The following DPH6 variants were observed in gnomAD, a reference collection of about 807,000 sequenced individuals.
The protein encoded by DPH6 is diphthine--ammonia ligase.
Under a neutral mutation model 38.2 loss-of-function variants are expected in DPH6, and 33 were observed. The observed-to-expected ratio is 0.86, with a 90% CI of 0.65 to 1.15. The LOEUF is 1.15. Ranked by LOEUF, DPH6 falls within the 50% of genes most tolerant of loss-of-function variation. The pLI, the probability that DPH6 is intolerant of heterozygous loss-of-function variation, is 0.00. For synonymous variants in DPH6, 108 were observed against 103.0 expected, an observed-to-expected ratio of 1.05 and a Z score of -0.30; for missense variants, 325 against 320.0, an observed-to-expected ratio of 1.02 and a Z score of -0.12.
At chr15:35,388,880 C>G (rs893897644) in intron 6 of DPH6, among the ~76,000 whole-genome samples, 7 of 152,146 alleles carry the variant, frequency 4.6e-5, no homozygotes, top group Non-Finnish European at 1.0e-4. Context: ...TTGCCTTCTG[C>G]TAGCTTTTGA....
chr15:35,341,758 G>C (rs2052423334), intron 3 of DPH6, among the ~76,000 whole-genome samples: 1 of 152,136 alleles, frequency 6.6e-6, no homozygotes, highest in Admixed American at 6.5e-5. Flanking sequence ...CTGTCCCAGG[G>C]GGGTACTGAC....
chr15:35,461,016 C>T (rs148446323), intron 3 of DPH6, among the ~76,000 whole-genome samples: 219 of 150,694 alleles, frequency 1.5e-3, no homozygotes, highest in African/African-American at 5.1e-3. Flanking sequence ...TATATCAATA[C>T]AATGTTTAAG....
At chr15:35,178,895 C>T in the DPH6 span, among the ~76,000 whole-genome samples, 13 of 151,784 alleles carry the variant, frequency 8.6e-5, no homozygotes, top group African/African-American at 2.7e-4. Context: ...TACCTAGTAC[C>T]CAATAAGTGC....
At chr15:35,309,866 A>T (rs1049911488) in intron 3 of DPH6, among the ~76,000 whole-genome samples, 1 of 152,218 alleles carries the variant, frequency 6.6e-6, no homozygotes, top group Non-Finnish European at 1.5e-5. Flanking sequence ...AATTAATCAG[A>T]TGTTTCAGAG....
intron 3 of DPH6, among the ~76,000 whole-genome samples, chr15:35,236,742 T>A (rs1473303113): frequency 6.6e-6 from 1 of 152,148 alleles, no homozygotes; most frequent in East Asian, 1.9e-4. Flanking sequence ...GATTTTGATA[T>A]CCTTTTTGTG....
chr15:35,390,995 G>A (rs1407521062), intron 6 of DPH6, among the ~76,000 whole-genome samples: 1 of 152,170 alleles, frequency 6.6e-6, no homozygotes, highest in Non-Finnish European at 1.5e-5. Flanking sequence ...GGTCTTTGAT[G>A]ATGGTGACGT....
intron 3 of DPH6, among the ~76,000 whole-genome samples, chr15:35,352,370 G>A (rs1326948224): frequency 6.6e-6 from 1 of 152,080 alleles, no homozygotes; most frequent in Non-Finnish European, 1.5e-5. Flanking sequence ...ATGTTGGTGT[G>A]CTGCACCCAT....
chr15:35,197,590 A>G, the DPH6 span, among the ~76,000 whole-genome samples: 1 of 152,234 alleles, frequency 6.6e-6, no homozygotes, highest in Non-Finnish European at 1.5e-5. Context: ...TATTTTACAC[A>G]TGGAATATGT....
intron 5 of DPH6, among the ~76,000 whole-genome samples, chr15:35,428,600 G>C (rs1156984909): frequency 6.6e-6 from 1 of 152,100 alleles, no homozygotes; most frequent in African/African-American, 2.4e-5. Context: ...CCAAATGTTA[G>C]AAAGTTTCTA....
chr15:35,420,463 T>C (rs935675787), intron 5 of DPH6, among the ~76,000 whole-genome samples: 4 of 152,150 alleles, frequency 2.6e-5, no homozygotes, highest in African/African-American at 9.7e-5. Flanking sequence ...ATAAATAAAA[T>C]TGAGCCTGGC....
At chr15:35,451,970 G>A (rs912835103) in intron 4 of DPH6, among the ~76,000 whole-genome samples, 97 of 152,172 alleles carry the variant, frequency 6.4e-4, no homozygotes, top group African/African-American at 1.4e-3. Flanking sequence ...AGATTGCGCC[G>A]CTGCACTCCA....
intron 3 of DPH6, chr15:35,520,362 T>C: frequency 1.0e-6 from 1 of 983,814 alleles, no homozygotes; most frequent in Non-Finnish European, 1.2e-6. Context: ...TTTTGTGCTA[T>C]TATACAACAG....
Position 35,410,915 on chromosome 15 carries a change from T to C in DPH6, c.506-19A>G, listed in dbSNP as rs777488429. The C allele has an allele frequency of 6.3e-7, 1 of 1,597,450 alleles. No individual in the cohort carries two copies. The highest frequency in any genetic ancestry group is 1.1e-5 in the South Asian group (1 of 88,896). ...TCTAAACCTGCCAAGAAAGGTTACA[T>C]TTTTTAAAGATAACTATCAGATAGG... is the stretch of plus-strand genomic sequence containing the variant. On this transcript the variant is annotated intron_variant, in intron 5 of 8. Coordinates refer to ENST00000256538, the MANE Select transcript of DPH6 (RefSeq NM_080650.4).
At chr15:35,392,508 AT>A (rs1279621810) in intron 6 of DPH6, among the ~76,000 whole-genome samples, 1 of 152,144 alleles carries the variant, frequency 6.6e-6, no homozygotes, top group Non-Finnish European at 1.5e-5. Flanking sequence ...TATAAACGGT[AT>A]TCTTAACATA....
chr15:35,305,176 C>A (rs975930390), intron 3 of DPH6, among the ~76,000 whole-genome samples: 2 of 152,044 alleles, frequency 1.3e-5, no homozygotes, highest in Non-Finnish European at 2.9e-5. Flanking sequence ...TCAGGTAGTA[C>A]GCTGTTGGTT....
At chr15:35,244,699 A>C (rs2051623957) in intron 3 of DPH6, among the ~76,000 whole-genome samples, 1 of 152,246 alleles carries the variant, frequency 6.6e-6, no homozygotes, top group South Asian at 2.1e-4. Context: ...TACAATTTTA[A>C]AACAACTTTG....
intron 1 of DPH6, 134 bp from the exon 2 acceptor site, chr15:35,542,641 T>A: frequency 1.2e-6 from 1 of 847,324 alleles, no homozygotes; most frequent in Non-Finnish European, 1.7e-6. Flanking sequence ...AAAAACCCAT[T>A]AATTTCTAAA....
At chr15:35,326,610 A>T (rs186091849), downstream of DPH6, among the ~76,000 whole-genome samples, 215 of 151,972 alleles carry the variant, frequency 1.4e-3, no homozygotes, top group African/African-American at 4.8e-3. Flanking sequence ...TTTTAAAAAA[A>T]TTTTTTGTAG....
At chr15:35,437,136 GA>G (rs892177104) in intron 5 of DPH6, among the ~76,000 whole-genome samples, 2 of 152,034 alleles carry the variant, frequency 1.3e-5, no homozygotes, top group African/African-American at 4.8e-5. Context: ...TCAGACGAAA[GA>G]AAGAGGGATG....
Sources: gnomAD v4.1 joint callset for allele counts (sites outside exome capture counted in the v4.1 genomes callset) on GRCh38, gnomAD v4.1.1 for gene constraint, MANE v1.5 for transcripts, NCBI Gene and HGNC (gene_info 2026-07-23, HGNC 2026-07-21) for gene names.